Variants in ALPK2 observed in about 807,000 individuals in gnomAD.
ALPK2 encodes the protein alpha kinase 2.
A neutral mutation model predicts 163.1 loss-of-function variants in ALPK2; 127 were observed. That is an observed-to-expected ratio of 0.78 (90% CI 0.67 to 0.90). ALPK2 has a LOEUF of 0.90. Ranked by LOEUF, ALPK2 falls within the 40% of genes least tolerant of loss-of-function variation. The pLI is 0.00. For synonymous variants in ALPK2, 953 were observed against 959.1 expected, an observed-to-expected ratio of 0.99 and a Z score of 0.12; for missense variants, 2,360 against 2,589.6, an observed-to-expected ratio of 0.91 and a Z score of 1.92.
Position 58,535,892 on chromosome 18 carries a change from T to C in ALPK2, c.4295A>G (p.Glu1432Gly). The C allele has an allele frequency of 1.2e-6, 2 of 1,614,168 alleles. No homozygotes were observed. Among genetic ancestry groups the C allele is most frequent in the South Asian group, 1.1e-5 (1 of 91,084 alleles). ...GTTTCCGTCATTTGATTGACCCCCT[T>C]CTCTGGCGCCCTGTGGTGTGGTTTC... is the stretch of plus-strand genomic sequence containing the variant. Reference protein sequence around the residue: ...PSETTPQGAREGGQSNDGNMG... With the variant: ...PSETTPQGARGGGQSNDGNMG... Residue 1432 changes from glutamate (E) to glycine (G), a missense_variant, in exon 5 of 13, where the codon GAA (glutamate) becomes GGA (glycine). By Grantham distance (98) the Glu-to-Gly change is moderately conservative (BLOSUM62 -2). Transcript: ENST00000361673.
chr18:58,596,760 A>G (rs1344488548), intron 3 of ALPK2, among the ~76,000 whole-genome samples: 1 of 152,208 alleles, frequency 6.6e-6, no homozygotes, highest in Non-Finnish European at 1.5e-5. Context: ...CCCTTGAGGC[A>G]AGACTCAGTG....
At chr18:58,494,875 G>C (rs1352794640) in intron 12 of ALPK2, among the ~76,000 whole-genome samples, 1 of 152,158 alleles carries the variant, frequency 6.6e-6, no homozygotes, top group Non-Finnish European at 1.5e-5. Context: ...CCCTTTCCAA[G>C]TCTGTCCTCA....
chr18:58,521,293 C>CTCAT (rs939215069), intron 8 of ALPK2, among the ~76,000 whole-genome samples: 4 of 152,222 alleles, frequency 2.6e-5, no homozygotes, highest in African/African-American at 9.7e-5. Flanking sequence ...GAGAAATGAG[C>CTCAT]TCATGCACAC....
rs1205694310 is a variant in ALPK2, at chr18:58,548,553, T to C, written c.1963-10329A>G. ...CCAGGCAGGTCTTGAACTTCTGACT[T>C]CAAGTGATCCACCCACCTCGGCCTC... is the stretch of plus-strand genomic sequence containing the variant. On this transcript the variant is annotated intron_variant, in intron 4 of 12. Coordinates refer to ENST00000361673, the MANE Select transcript of ALPK2 (RefSeq NM_052947.4). Among the ~76,000 whole-genome samples, 4 of 152,102 alleles carry C rather than the reference T, an allele frequency of 2.6e-5. No individual in the cohort carries two copies. In the East Asian group the frequency reaches 5.8e-4, roughly 22 times the overall value.
chr18:58,572,224 C>T (rs575768302), intron 4 of ALPK2, among the ~76,000 whole-genome samples: 23 of 152,156 alleles, frequency 1.5e-4, no homozygotes, highest in African/African-American at 5.3e-4. Context: ...TCAGAAAGTC[C>T]AGAATCAAAA....
chr18:58,513,666 C>T (rs2051506164), intron 10 of ALPK2, among the ~76,000 whole-genome samples: 1 of 152,256 alleles, frequency 6.6e-6, no homozygotes, highest in South Asian at 2.1e-4. Context: ...CACTTGAGGC[C>T]AGGAGTTGTA....
chr18:58,586,954 C>G (rs1433313440), intron 3 of ALPK2, among the ~76,000 whole-genome samples: 1 of 152,020 alleles, frequency 6.6e-6, no homozygotes, highest in Admixed American at 6.6e-5. Flanking sequence ...CTGTGAGCAG[C>G]CTTCCTAAGC....
intron 4 of ALPK2, among the ~76,000 whole-genome samples, chr18:58,539,820 G>A (rs965037868): frequency 3.9e-5 from 6 of 152,302 alleles, no homozygotes; most frequent in East Asian, 3.9e-4. Flanking sequence ...TGTACTGCCC[G>A]TGGGAAGCAG....
At chr18:58,611,147 G>A (rs891423207) in intron 2 of ALPK2, among the ~76,000 whole-genome samples, 2 of 151,296 alleles carry the variant, frequency 1.3e-5, no homozygotes, top group Non-Finnish European at 2.9e-5. Context: ...GTACAGTGGT[G>A]CGTGCCTCTA....
chr18:58,522,593 C>A (rs535728270), intron 8 of ALPK2, among the ~76,000 whole-genome samples: 1 of 152,296 alleles, frequency 6.6e-6, no homozygotes, highest in East Asian at 1.9e-4. Context: ...AAGACACAAA[C>A]GAATGGAGTG....
At position 58,523,813 on chromosome 18, in the gene ALPK2, A is replaced by G. The variant is rs2051569013; in HGVS notation, c.5658T>C (p.Asp1886=). The G allele has an allele frequency of 6.2e-7, 1 of 1,614,058 alleles. No individual in the cohort carries two copies. The highest frequency in any genetic ancestry group is 1.3e-5 in the African/African-American group (1 of 74,904). Residue 1886 remains aspartate, a synonymous_variant, in exon 8 of 13, where the codon GAT becomes GAC. Transcript: ENST00000361673. ...CAACCCTAACTGACTTACCTTTAGT[A>G]TCCTGGCGACTTGACAGCTGTTTGA... ...EVLKQLSSRQ[D]TKGCEEIEFS...
At chr18:58,586,577 C>A (rs563096989) in intron 3 of ALPK2, among the ~76,000 whole-genome samples, 1 of 152,260 alleles carries the variant, frequency 6.6e-6, no homozygotes, top group East Asian at 1.9e-4. Flanking sequence ...AGTAGCCTGG[C>A]AGCAGCTGGA....
chr18:58,500,831 G>A (rs528239362), intron 11 of ALPK2, among the ~76,000 whole-genome samples: 1 of 151,924 alleles, frequency 6.6e-6, no homozygotes. Context: ...GAGTTTTTTG[G>A]GTGACAGCTT....
chr18:58,550,016 G>A (rs2051742654), intron 4 of ALPK2, among the ~76,000 whole-genome samples: 1 of 152,086 alleles, frequency 6.6e-6, no homozygotes, highest in Non-Finnish European at 1.5e-5. Flanking sequence ...GTAGCTCTGA[G>A]CAGGGAAGGC....
At chr18:58,627,923 T>C (rs2052240205) in intron 1 of ALPK2, among the ~76,000 whole-genome samples, 1 of 152,214 alleles carries the variant, frequency 6.6e-6, no homozygotes, top group Non-Finnish European at 1.5e-5. Flanking sequence ...AATTAATCTT[T>C]AGAAATAAAG....
At chr18:58,483,061 G>A (rs1008064926) in intron 12 of ALPK2, among the ~76,000 whole-genome samples, 1 of 152,094 alleles carries the variant, frequency 6.6e-6, no homozygotes, top group Non-Finnish European at 1.5e-5. Flanking sequence ...TGTGGAGGAG[G>A]CCAGGTGAGC....
intron 1 of ALPK2, among the ~76,000 whole-genome samples, chr18:58,614,918 AAC>A (rs1208558905): frequency 6.6e-6 from 1 of 151,200 alleles, no homozygotes; most frequent in Non-Finnish European, 1.5e-5. Flanking sequence ...CCTCCCCCCC[AAC>A]ACACACAGCC....
At chr18:58,498,314 C>T (rs1362422074) in intron 11 of ALPK2, among the ~76,000 whole-genome samples, 1 of 152,178 alleles carries the variant, frequency 6.6e-6, no homozygotes, top group Non-Finnish European at 1.5e-5. Context: ...AGCAGACAAC[C>T]CAAGCCCTCT....
intron 1 of ALPK2, among the ~76,000 whole-genome samples, chr18:58,624,796 T>G (rs1270026916): frequency 6.6e-6 from 1 of 152,218 alleles, no homozygotes; most frequent in African/African-American, 2.4e-5. Context: ...TACCCTCTCC[T>G]CATTGGCCCA....
Sources: gnomAD v4.1 joint callset for allele counts (sites outside exome capture counted in the v4.1 genomes callset) on GRCh38, gnomAD v4.1.1 for gene constraint, MANE v1.5 for transcripts, NCBI Gene and HGNC (gene_info 2026-07-23, HGNC 2026-07-21) for gene names.